The following METAP1D variants were observed in gnomAD, a reference collection of about 807,000 sequenced individuals.
METAP1D encodes the protein methionine aminopeptidase 1D, mitochondrial.
A neutral mutation model predicts 40.5 loss-of-function variants in METAP1D; 31 were observed. The observed-to-expected ratio is 0.77, with a 90% CI of 0.58 to 1.03. METAP1D has a LOEUF of 1.03. Ranked by LOEUF, METAP1D falls within the 50% of genes least tolerant of loss-of-function variation. The pLI is 0.00. For synonymous variants in METAP1D, 151 were observed against 146.4 expected, an observed-to-expected ratio of 1.03 and a Z score of -0.22; for missense variants, 411 against 420.7, an observed-to-expected ratio of 0.98 and a Z score of 0.20.
chr2:172,053,529 C>G (rs1052927751), intron 1 of METAP1D, among the ~76,000 whole-genome samples: 1 of 152,138 alleles, frequency 6.6e-6, no homozygotes, highest in Admixed American at 6.5e-5. Flanking sequence ...TTGTTTTTCT[C>G]TCTTGGTAAT....
intron 1 of METAP1D, among the ~76,000 whole-genome samples, chr2:172,025,391 C>T (rs1361527257): frequency 6.6e-6 from 1 of 152,144 alleles, no homozygotes; most frequent in African/African-American, 2.4e-5. Flanking sequence ...TGCAGTGGCA[C>T]GATCAAGGCT....
At chr2:172,033,576 G>A (rs1259574452) in intron 1 of METAP1D, among the ~76,000 whole-genome samples, 1 of 151,830 alleles carries the variant, frequency 6.6e-6, no homozygotes, top group Non-Finnish European at 1.5e-5. Context: ...GGCTGGTTTC[G>A]AATTCCTGAC....
chr2:172,063,670 C>CT, intron 2 of METAP1D, 41 bp from the exon 3 acceptor site: 1 of 1,487,320 alleles, frequency 6.7e-7, no homozygotes. Flanking sequence ...CATTGTCGTG[C>CT]GCTGGGTTCT....
intron 6 of METAP1D, chr2:172,072,533 A>C (rs906348999): frequency 6.0e-6 from 1 of 166,896 alleles, no homozygotes; most frequent in Non-Finnish European, 1.5e-5. Flanking sequence ...ACATTCATCA[A>C]CTGCAGAAAA....
chr2:172,047,263 C>T (rs1020450482), intron 1 of METAP1D, among the ~76,000 whole-genome samples: 2 of 152,120 alleles, frequency 1.3e-5, no homozygotes, highest in South Asian at 4.1e-4. Flanking sequence ...CTTCTTGATA[C>T]ATTTAAACAA....
At chr2:172,060,032 CTGAG>C (rs1310882635) in intron 1 of METAP1D, among the ~76,000 whole-genome samples, 2 of 151,926 alleles carry the variant, frequency 1.3e-5, no homozygotes, top group South Asian at 2.1e-4. Flanking sequence ...GCCTGGGCGA[CTGAG>C]TGAGACTCCG....
intron 1 of METAP1D, among the ~76,000 whole-genome samples, chr2:172,016,681 A>G (rs988548818): frequency 6.6e-6 from 1 of 151,894 alleles, no homozygotes; most frequent in Non-Finnish European, 1.5e-5. Context: ...TTTTAAAAGT[A>G]CATTGGATCA....
chr2:172,063,463 G>A (rs1260930767), intron 2 of METAP1D, among the ~76,000 whole-genome samples: 1 of 152,174 alleles, frequency 6.6e-6, no homozygotes, highest in African/African-American at 2.4e-5. Context: ...GTCTACTTCA[G>A]TCCAGTTTGA....
chr2:172,061,642 A>G lies in METAP1D; in HGVS notation c.185A>G (p.His62Arg). Residue 62 changes from histidine (H) to arginine (R), a missense_variant, in exon 2 of 10, where the codon CAT (histidine) becomes CGT (arginine). Physicochemically the swap from His to Arg is conservative, Grantham distance 29. Coordinates refer to ENST00000315796, the MANE Select transcript of METAP1D (RefSeq NM_199227.3). ...IVLPAAVSSA[H>R]PVPKHIKKPD... ...TTGCCGGCTGCAGTTTCTTCAGCTCATCCGGTTCCTAAGGTACTGTATTGC... is the reference window on the plus strand; with the variant it reads ...TTGCCGGCTGCAGTTTCTTCAGCTCGTCCGGTTCCTAAGGTACTGTATTGC... 6.2e-7 allele frequency: 1 copy of G among 1,612,280 alleles called. No individual in the cohort carries two copies. Among genetic ancestry groups the G allele is most frequent in the Non-Finnish European group, 8.5e-7 (1 of 1,179,320 alleles).
chr2:172,079,994 G>A (rs980146990), intron 8 of METAP1D, 134 bp from the exon 9 acceptor site: 4 of 718,314 alleles, frequency 5.6e-6, no homozygotes, highest in Admixed American at 2.7e-5. Context: ...ACCCTTGCAA[G>A]ATGACAACAT....
intron 1 of METAP1D, among the ~76,000 whole-genome samples, chr2:172,002,460 G>A (rs1688489413): frequency 6.6e-6 from 1 of 152,068 alleles, no homozygotes; most frequent in Non-Finnish European, 1.5e-5. Context: ...TTGACAAATG[G>A]TGGTTTAGAC....
chr2:172,022,105 A>T (rs1050296277), intron 1 of METAP1D, among the ~76,000 whole-genome samples: 2 of 152,094 alleles, frequency 1.3e-5, no homozygotes, highest in African/African-American at 2.4e-5. Context: ...TATTTCATCA[A>T]ATTTAGACAT....
At chr2:172,019,490 AG>A (rs1271396706) in intron 1 of METAP1D, among the ~76,000 whole-genome samples, 3 of 151,906 alleles carry the variant, frequency 2.0e-5, no homozygotes, top group Non-Finnish European at 4.4e-5. Context: ...TGGAGGCGGG[AG>A]GATTGTTTGA....
chr2:172,028,565 T>A (rs2105408643), intron 1 of METAP1D, among the ~76,000 whole-genome samples: 1 of 136,544 alleles, frequency 7.3e-6, no homozygotes, highest in South Asian at 2.5e-4. Flanking sequence ...TGTGTGTGTG[T>A]GTGTGTGTGT....
intron 1 of METAP1D, among the ~76,000 whole-genome samples, chr2:172,016,257 C>G (rs1376477226): frequency 1.0e-5 from 1 of 98,748 alleles, no homozygotes; most frequent in Non-Finnish European, 1.8e-5. Flanking sequence ...GCCTGGGTGA[C>G]AGAGTGAGAC....
rs369753229 is a variant in METAP1D at position 172,065,180 on chromosome 2, C to T, written c.349-424C>T. On this transcript the variant is annotated intron_variant, in intron 3 of 9. Transcript: ENST00000315796. ...ACTGAGATAAAAAGATGCGAGTTGA[C>T]CTACTTTTCAAGCTTTTCAAGGTTC... Among the ~76,000 whole-genome samples the T allele has an allele frequency of 8.5e-5, 13 of 152,136 alleles. No individual in the cohort carries two copies. In the East Asian group the frequency reaches 1.9e-3, roughly 23 times the overall value.
rs189790424 is a variant in METAP1D at position 172,019,641 on chromosome 2, C to T, written c.40+19632C>T. Among the ~76,000 whole-genome samples, 6 of 152,150 alleles carry T rather than the reference C, an allele frequency of 3.9e-5. No individual in the cohort carries two copies. The East Asian group carries it at 1.2e-3, about 29-fold the overall frequency. On this transcript the variant is annotated intron_variant, in intron 1 of 9. Transcript: ENST00000315796. ...ATATATGTATATAATCTCCAAGAGG[C>T]CAGGTGCAGCGGCCTCTTCCGTCAA...
chr2:172,005,483 T>G, intron 1 of METAP1D, among the ~76,000 whole-genome samples: 1 of 149,048 alleles, frequency 6.7e-6, no homozygotes, highest in East Asian at 2.0e-4. Flanking sequence ...ATTTTGTTCC[T>G]TTTTATGTCT....
intron 3 of METAP1D, 144 bp from the exon 4 acceptor site, chr2:172,065,460 A>G: frequency 1.2e-6 from 1 of 812,398 alleles, no homozygotes; most frequent in Non-Finnish European, 1.9e-6. Context: ...AACACTAATC[A>G]TAATTAATTC....
Sources: gnomAD v4.1 joint callset for allele counts (sites outside exome capture counted in the v4.1 genomes callset) on GRCh38, gnomAD v4.1.1 for gene constraint, MANE v1.5 for transcripts, NCBI Gene and HGNC (gene_info 2026-07-23, HGNC 2026-07-21) for gene names.